COMMD1: variants seen among roughly 807,000 people sequenced by gnomAD.
The protein encoded by COMMD1 is copper metabolism domain containing 1, also known as COMM domain-containing protein 1.
In COMMD1, 10 loss-of-function variants were observed where a neutral mutation model predicts 17.2. The observed-to-expected ratio is 0.58, with a 90% CI of 0.36 to 0.99. The LOEUF is 0.99. Ranked by LOEUF, COMMD1 falls within the 50% of genes least tolerant of loss-of-function variation. The pLI is 0.01. For missense variants in COMMD1, 270 were observed against 231.8 expected, an observed-to-expected ratio of 1.17 and a Z score of -1.07; for synonymous variants, 97 against 91.6, an observed-to-expected ratio of 1.06 and a Z score of -0.34.
chr2:62,091,200 A>G (rs1302558539), intron 2 of COMMD1, among the ~76,000 whole-genome samples: 1 of 152,164 alleles, frequency 6.6e-6, no homozygotes, highest in East Asian at 1.9e-4. Flanking sequence ...GGTTTCTTCT[A>G]TCCATTTGAT....
Position 61,991,165 on chromosome 2 carries a change from A to G in COMMD1, c.181-9536A>G, listed in dbSNP as rs545147763. Among the ~76,000 whole-genome samples the G allele has an allele frequency of 2.2e-4, 34 of 152,216 alleles. 1 individual carries two copies. In the South Asian group the frequency reaches 6.8e-3, roughly 31 times the overall value. Reference sequence around the variant, plus strand: ...TTTTTTTTCTTTAGTATCGTAGCCTAATTTTTAAATTTGTTTTGGCTCTGA... The same window carrying G: ...TTTTTTTTCTTTAGTATCGTAGCCTGATTTTTAAATTTGTTTTGGCTCTGA... On this transcript the variant is annotated intron_variant, in intron 1 of 2. Coordinates refer to ENST00000311832, the MANE Select transcript of COMMD1 (RefSeq NM_152516.4).
At chr2:61,983,780 C>T (rs1372814726) in intron 1 of COMMD1, among the ~76,000 whole-genome samples, 1 of 152,056 alleles carries the variant, frequency 6.6e-6, no homozygotes, top group Non-Finnish European at 1.5e-5. Context: ...TTTCAAAAAA[C>T]CAACTGCATT....
chr2:62,107,836 G>A (rs986227058), intron 2 of COMMD1, among the ~76,000 whole-genome samples: 10 of 152,066 alleles, frequency 6.6e-5, no homozygotes, highest in Admixed American at 1.3e-4. Flanking sequence ...TATAACCCTT[G>A]ACAAGATATG....
intron 2 of COMMD1, among the ~76,000 whole-genome samples, chr2:62,076,485 G>A (rs1671339420): frequency 6.6e-6 from 1 of 152,230 alleles, no homozygotes; most frequent in Non-Finnish European, 1.5e-5. Flanking sequence ...AGTGGCTTAC[G>A]CCTGTAATCC....
intron 2 of COMMD1, among the ~76,000 whole-genome samples, chr2:62,067,388 G>T (rs1475067142): frequency 1.3e-5 from 2 of 152,110 alleles, no homozygotes; most frequent in Non-Finnish European, 2.9e-5. Flanking sequence ...TTTCCTGTTT[G>T]CTTACTTGAT....
At chr2:61,937,661 G>A (rs1159669295) in intron 1 of COMMD1, among the ~76,000 whole-genome samples, 2 of 152,106 alleles carry the variant, frequency 1.3e-5, no homozygotes, top group African/African-American at 2.4e-5. Context: ...TCTATGCTAC[G>A]CATTGAGCCA....
At chr2:61,904,213 G>A (rs760650643), upstream of COMMD1, among the ~76,000 whole-genome samples, 4 of 151,856 alleles carry the variant, frequency 2.6e-5, no homozygotes, top group East Asian at 1.9e-4. Context: ...GGGTTTCACC[G>A]TGTTAGCCAG....
intron 2 of COMMD1, among the ~76,000 whole-genome samples, chr2:62,060,423 C>T (rs572217696): frequency 3.9e-4 from 60 of 152,138 alleles, no homozygotes; most frequent in Non-Finnish European, 5.3e-4. Flanking sequence ...TTCTTTTATG[C>T]AGTAGTTGTC....
chr2:62,106,294 T>C (rs1672323432), intron 2 of COMMD1, among the ~76,000 whole-genome samples: 2 of 152,268 alleles, frequency 1.3e-5, no homozygotes, highest in Non-Finnish European at 2.9e-5. Flanking sequence ...TAATCTTATA[T>C]GTGTTTGCTA....
At chr2:62,126,842 C>T (rs1265395239) in intron 2 of COMMD1, among the ~76,000 whole-genome samples, 1 of 152,154 alleles carries the variant, frequency 6.6e-6, no homozygotes, top group East Asian at 1.9e-4. Flanking sequence ...CCTCTCCCAC[C>T]ATTCCTATTC....
intron 2 of COMMD1, among the ~76,000 whole-genome samples, chr2:62,131,033 C>T (rs146400108): frequency 3.9e-4 from 60 of 152,242 alleles, no homozygotes; most frequent in African/African-American, 1.4e-3. Context: ...TGTGAGATGG[C>T]CTTGTCAGGA....
At chr2:61,930,125 G>A (rs1419920061) in intron 1 of COMMD1, among the ~76,000 whole-genome samples, 2 of 152,102 alleles carry the variant, frequency 1.3e-5, no homozygotes, top group Admixed American at 6.6e-5. Context: ...TCTCTGAGAG[G>A]GGGAAGCCAG....
At chr2:62,014,412 C>A (rs1025949755) in intron 2 of COMMD1, among the ~76,000 whole-genome samples, 2 of 151,652 alleles carry the variant, frequency 1.3e-5, no homozygotes, top group Non-Finnish European at 2.9e-5. Flanking sequence ...TGGCTCTGGG[C>A]TTCATTCCAT....
chr2:61,964,855 A>G (rs1671465938), intron 1 of COMMD1, among the ~76,000 whole-genome samples: 1 of 152,160 alleles, frequency 6.6e-6, no homozygotes, highest in Admixed American at 6.5e-5. Context: ...CCTGGCCAAC[A>G]TGGTGAAACC....
chr2:61,982,331 A>G (rs1191362616), intron 1 of COMMD1, among the ~76,000 whole-genome samples: 4 of 152,102 alleles, frequency 2.6e-5, no homozygotes, highest in Non-Finnish European at 4.4e-5. Context: ...TGATTTTCGT[A>G]TGTTAATTTT....
chr2:61,953,208 C>T (rs1055656983), intron 1 of COMMD1, among the ~76,000 whole-genome samples: 4 of 152,046 alleles, frequency 2.6e-5, no homozygotes, highest in Admixed American at 2.6e-4. Context: ...CGGGGTTTCA[C>T]CTTGTGGGCC....
rs147241528 is a variant in COMMD1, at chr2:62,098,992, C to G, written c.463-36839C>G. On this transcript the variant is annotated intron_variant, in intron 2 of 2. Coordinates refer to ENST00000311832, the MANE Select transcript of COMMD1 (RefSeq NM_152516.4). The stretch of plus-strand genomic sequence containing the variant: ...CAGGGCCTTTAACTCTGATTTGGTC[C>G]AGGGGCTATACATTATGTTAGGATC... Among the ~76,000 whole-genome samples the G allele has an allele frequency of 5.9e-3, 895 of 152,254 alleles. 5 individuals are homozygous for G. Among genetic ancestry groups the G allele is most frequent in the Non-Finnish European group, 9.1e-3 (616 of 68,016 alleles).
chr2:61,959,082 C>T (rs1007206823), intron 1 of COMMD1, among the ~76,000 whole-genome samples: 3 of 152,100 alleles, frequency 2.0e-5, no homozygotes, highest in East Asian at 3.8e-4. Flanking sequence ...TATTTTTGCT[C>T]ATTTAGTTAT....
intron 1 of COMMD1, among the ~76,000 whole-genome samples, chr2:61,970,417 G>C (rs1259182062): frequency 2.0e-5 from 3 of 152,092 alleles, no homozygotes; most frequent in Admixed American, 6.6e-5. Context: ...TCAAGTCTCT[G>C]ATATAAAATA....
Sources: allele counts gnomAD v4.1 joint callset (sites outside exome capture counted in the v4.1 genomes callset), GRCh38; gene constraint gnomAD v4.1.1; transcripts MANE v1.5; gene names NCBI Gene and HGNC (gene_info 2026-07-23, HGNC 2026-07-21).